Variants in DCAF5 observed in about 807,000 individuals in gnomAD.
The protein encoded by DCAF5 is DDB1 and CUL4 associated factor 5.
Under a neutral mutation model 80.7 loss-of-function variants are expected in DCAF5, and 9 were observed. The observed-to-expected ratio is 0.11, with a 90% confidence interval of 0.07 to 0.19. The LOEUF is 0.19. DCAF5 is among the 10% of genes least tolerant of loss of function. The pLI, the probability that DCAF5 is intolerant of heterozygous loss-of-function variation, is 1.00. For missense variants in DCAF5, 842 were observed against 1,205.7 expected (o/e 0.70, Z 4.47); for synonymous variants, 433 against 461.9 (o/e 0.94, Z 0.80).
rs890964481 is a variant in DCAF5, at chr14:69,052,834, C to A, written c.*1023G>T. On this transcript the variant is annotated 3_prime_UTR_variant, in exon 9 of 9. Coordinates refer to ENST00000341516, the MANE Select transcript of DCAF5 (RefSeq NM_003861.3). ...AAGATGCCAGTCCCACCAATTCTGACCAATGGTTCTGGGTTGAGTTAAATG... is the reference window on the plus strand; with the variant it reads ...AAGATGCCAGTCCCACCAATTCTGAACAATGGTTCTGGGTTGAGTTAAATG... The A allele has an allele frequency of 6.6e-6, 1 of 152,258 alleles. No homozygotes were observed. The highest frequency in any genetic ancestry group is 1.5e-5 in the Non-Finnish European group (1 of 68,064). The allele number at this position is 152,258 out of a possible 1,614,324, so 9.4% of individuals were successfully genotyped here.
At chr14:69,071,695 T>C (rs2038699549) in intron 7 of DCAF5, among the ~76,000 whole-genome samples, 1 of 152,138 alleles carries the variant, frequency 6.6e-6, no homozygotes, top group African/African-American at 2.4e-5. Context: ...CAAAAAGACA[T>C]TAGGTTGGAT....
intron 1 of DCAF5, among the ~76,000 whole-genome samples, chr14:69,143,553 CTTTTTTTTT>C (rs562355110): frequency 9.8e-6 from 1 of 102,202 alleles, no homozygotes; most frequent in African/African-American, 3.8e-5. Flanking sequence ...ATCTGTTAAA[CTTTTTTTTT>C]TTTTTTTTTT....
In DCAF5 at chr14:69,091,486, G is replaced by T. The variant is rs951979504; in HGVS notation, c.879+188C>A. ...AGCCTTGGTTTATGGTGTGTGCCTT[G>T]TATTTACCCATTGACAGCCTTGATA... On this transcript the variant is annotated intron_variant, in intron 6 of 8. Transcript: ENST00000341516. 5.9e-5 allele frequency among the ~76,000 whole-genome samples: 9 copies of T among 152,040 alleles called. 1 individual carries two copies. The highest frequency in any genetic ancestry group is 4.4e-5 in the Non-Finnish European group (3 of 68,018).
At chr14:69,088,349 T>C (rs1386142512) in intron 6 of DCAF5, among the ~76,000 whole-genome samples, 1 of 152,226 alleles carries the variant, frequency 6.6e-6, no homozygotes, top group Non-Finnish European at 1.5e-5. Flanking sequence ...AGAAAAGGTT[T>C]GTATAAAATG....
At chr14:69,116,627 G>T in intron 4 of DCAF5, 132 bp from the exon 5 acceptor site, 1 of 1,029,676 alleles carries the variant, frequency 9.7e-7, no homozygotes, top group Non-Finnish European at 1.4e-6. Flanking sequence ...CCCCAAAACA[G>T]CACATAATCC....
At chr14:69,082,590 T>C (rs2039152169) in intron 6 of DCAF5, among the ~76,000 whole-genome samples, 1 of 152,196 alleles carries the variant, frequency 6.6e-6, no homozygotes, top group South Asian at 2.1e-4. Flanking sequence ...AGATGAATCT[T>C]TATTTGGCAA....
chr14:69,075,551 G>A (rs1055250918), intron 6 of DCAF5, 140 bp from the exon 7 acceptor site: 12 of 351,028 alleles, frequency 3.4e-5, no homozygotes, highest in Non-Finnish European at 5.5e-5. Context: ...GTGCAATCTC[G>A]GCTCACTGCA....
At chr14:69,071,627 A>AGAATGAAT (rs928328294) in intron 7 of DCAF5, among the ~76,000 whole-genome samples, 2 of 152,090 alleles carry the variant, frequency 1.3e-5, no homozygotes, top group East Asian at 1.9e-4. Flanking sequence ...GGAGAGAGAG[A>AGAATGAAT]GAATGAATGA....
intron 8 of DCAF5, among the ~76,000 whole-genome samples, chr14:69,056,327 C>A (rs1351640760): frequency 2.6e-5 from 4 of 152,118 alleles, no homozygotes; most frequent in Non-Finnish European, 5.9e-5. Context: ...AGGACACATG[C>A]CCCAAGGACA....
At chr14:69,077,942 T>A (rs902007883) in intron 6 of DCAF5, among the ~76,000 whole-genome samples, 1 of 152,214 alleles carries the variant, frequency 6.6e-6, no homozygotes, top group African/African-American at 2.4e-5. Flanking sequence ...GGGCTCAGTT[T>A]CTTTATCTGC....
In DCAF5 at chr14:69,084,474, C is replaced by T; in HGVS notation, c.879+7200G>A. The T allele has an allele frequency of 3.7e-6, 3 of 800,624 alleles. No individual in the cohort carries two copies. In the South Asian group the frequency reaches 4.4e-5, roughly 12 times the overall value. The allele number at this position is 800,624 out of a possible 1,614,324, so 49.6% of individuals were successfully genotyped here. The stretch of plus-strand genomic sequence containing the variant: ...AGACAGACGATGCTCTTTTCTGCCA[C>T]CCAAACTTGAAAAGTTGAAGGCCCG... On this transcript the variant is annotated intron_variant, in intron 6 of 8. Transcript: ENST00000341516.
chr14:69,068,464 C>T (rs1430904374), intron 7 of DCAF5, among the ~76,000 whole-genome samples: 5 of 152,124 alleles, frequency 3.3e-5, no homozygotes, highest in East Asian at 1.9e-4. Context: ...TTTGGGAGGC[C>T]GAGGCAGGAG....
At chr14:69,119,149 T>C (rs2040629812) in intron 3 of DCAF5, 45 bp downstream of exon 3, 5 of 1,597,058 alleles carry the variant, frequency 3.1e-6, no homozygotes, top group African/African-American at 1.3e-5. Flanking sequence ...TCTTCATATA[T>C]GAAAAACAAA....
chr14:69,105,791 A>T (rs984306491), intron 5 of DCAF5, among the ~76,000 whole-genome samples: 1 of 150,188 alleles, frequency 6.7e-6, no homozygotes, highest in Non-Finnish European at 1.5e-5. Flanking sequence ...CTGTCGGCCT[A>T]CCTGGTTTTG....
chr14:69,131,918 T>G (rs2041050856), intron 1 of DCAF5, among the ~76,000 whole-genome samples: 1 of 152,122 alleles, frequency 6.6e-6, no homozygotes. Flanking sequence ...TAGACACCAT[T>G]CACTTGGCAC....
chr14:69,063,603 C>T (rs2038316473), intron 7 of DCAF5, among the ~76,000 whole-genome samples: 1 of 152,252 alleles, frequency 6.6e-6, no homozygotes, highest in Non-Finnish European at 1.5e-5. Context: ...CCTCCTTCCA[C>T]TCCCAACTCC....
chr14:69,107,927 G>A (rs546108933), intron 5 of DCAF5, among the ~76,000 whole-genome samples: 20 of 152,284 alleles, frequency 1.3e-4, no homozygotes, highest in East Asian at 9.6e-4. Flanking sequence ...AATAAAACAC[G>A]CACCTGCCCT....
At position 69,122,251 on chromosome 14, in the gene DCAF5, A is replaced by C. The variant is rs1389827194; in HGVS notation, c.324T>G (p.Ala108=). 6.2e-7 allele frequency: 1 copy of C among 1,614,010 alleles called. No homozygotes were observed. The highest frequency in any genetic ancestry group is 8.5e-7 in the Non-Finnish European group (1 of 1,179,898). ...GEHHSNIFCL[A]FNSGNTKVFS... ...ACACTTTAGTGTTCCCACTGTTGAA[A>C]GCCAGGCAAAAAATGTTGGAATGGT... The change falls in exon 2 of 9, where the codon GCT becomes GCG. Residue 108 remains alanine (A), a synonymous_variant. Transcript: ENST00000341516.
intron 7 of DCAF5, among the ~76,000 whole-genome samples, chr14:69,070,851 G>A (rs984436279): frequency 6.6e-6 from 1 of 150,780 alleles, no homozygotes; most frequent in Non-Finnish European, 1.5e-5. Context: ...AGGCTGGAGT[G>A]CAGCGGTGCA....
Sources: allele counts gnomAD v4.1 joint callset (sites outside exome capture counted in the v4.1 genomes callset), GRCh38; gene constraint gnomAD v4.1.1; transcripts MANE v1.5; gene names NCBI Gene and HGNC (gene_info 2026-07-23, HGNC 2026-07-21).